Variants in STK3 observed in about 807,000 individuals in gnomAD.
STK3 encodes the protein serine/threonine kinase 3.
STK3 carries 41 observed loss-of-function variants against 58.0 expected under a neutral mutation model. The observed-to-expected ratio is 0.71, with a 90% CI of 0.55 to 0.92. STK3 has a LOEUF of 0.92. STK3 is among the 40% of genes least tolerant of loss of function. STK3 has a pLI of 0.00. For missense variants in STK3, 479 were observed against 602.7 expected (o/e 0.79, Z 2.15); for synonymous variants, 170 against 191.0 (o/e 0.89, Z 0.91).
intron 1 of STK3, among the ~76,000 whole-genome samples, chr8:98,820,730 C>A (rs1834837291): frequency 1.3e-5 from 2 of 152,178 alleles, no homozygotes; most frequent in Admixed American, 6.5e-5. Context: ...GTAATCCCAG[C>A]ACTTTGGGAG....
downstream of STK3, among the ~76,000 whole-genome samples, chr8:98,398,669 T>G (rs998047270): frequency 3.3e-5 from 5 of 152,014 alleles, no homozygotes; most frequent in Non-Finnish European, 7.4e-5. Flanking sequence ...CATGCTCCCA[T>G]CTCCCCCGAG....
chr8:98,347,533 C>A, the STK3 span, among the ~76,000 whole-genome samples: 5,678 of 141,172 alleles, frequency 0.04, 161 homozygotes, highest in African/African-American at 0.076. Flanking sequence ...ACAAAAAAAA[C>A]CAAAAAAAAC....
At chr8:98,764,713 AAC>A in intron 3 of STK3, among the ~76,000 whole-genome samples, 1 of 152,366 alleles carries the variant, frequency 6.6e-6, no homozygotes, top group Middle Eastern at 3.4e-3. Flanking sequence ...GTATCTGAGT[AAC>A]CATTATGTGG....
intron 4 of STK3, among the ~76,000 whole-genome samples, chr8:98,738,879 C>T (rs1828889774): frequency 6.6e-6 from 1 of 152,252 alleles, no homozygotes; most frequent in South Asian, 2.1e-4. Flanking sequence ...AATCGGGTCA[C>T]TCCCACCCGA....
At chr8:98,591,015 G>A (rs1378224165) in intron 7 of STK3, among the ~76,000 whole-genome samples, 2 of 152,070 alleles carry the variant, frequency 1.3e-5, no homozygotes, top group Non-Finnish European at 2.9e-5. Context: ...ATCTTAAAAT[G>A]CCTTTAAAAA....
intron 1 of STK3, among the ~76,000 whole-genome samples, chr8:98,823,871 A>T (rs1378530129): frequency 6.6e-6 from 1 of 152,178 alleles, no homozygotes; most frequent in Non-Finnish European, 1.5e-5. Context: ...TGTATACTTA[A>T]ATTTCCTGGC....
intron 2 of STK3, chr8:98,436,908 T>C (rs997126165): frequency 5.9e-5 from 9 of 152,292 alleles, no homozygotes; most frequent in Non-Finnish European, 1.0e-4. Context: ...TCACCCACAC[T>C]TTCCTCGGTA....
chr8:98,920,570 TG>T (rs1184267051), intron 1 of STK3, among the ~76,000 whole-genome samples: 5 of 152,198 alleles, frequency 3.3e-5, no homozygotes, highest in Admixed American at 3.3e-4. Context: ...GTGCAGCCGT[TG>T]TTTGGACCTG....
chr8:98,757,563 C>T (rs2131392307), intron 3 of STK3, among the ~76,000 whole-genome samples: 1 of 148,212 alleles, frequency 6.7e-6, no homozygotes, highest in East Asian at 2.0e-4. Context: ...CCATTGCATT[C>T]CAGCCTGGGC....
At chr8:98,698,095 T>C (rs1355127466) in intron 6 of STK3, among the ~76,000 whole-genome samples, 1 of 152,214 alleles carries the variant, frequency 6.6e-6, no homozygotes, top group Non-Finnish European at 1.5e-5. Context: ...TCTTGTTGAA[T>C]TGATCCCTTC....
chr8:98,714,071 A>T (rs1013261573), intron 4 of STK3, among the ~76,000 whole-genome samples: 45 of 152,212 alleles, frequency 3.0e-4, no homozygotes, highest in Non-Finnish European at 4.6e-4. Flanking sequence ...CCTTTGACAA[A>T]ATTCAACAAC....
chr8:98,445,275 C>T (rs1041243584), intron 1 of STK3, among the ~76,000 whole-genome samples: 30 of 152,124 alleles, frequency 2.0e-4, no homozygotes, highest in African/African-American at 7.0e-4. Context: ...ATCCATTCAT[C>T]AGCTGATGGA....
At chr8:98,879,788 A>G (rs895687781), downstream of STK3, 2 of 152,242 alleles carry the variant, frequency 1.3e-5, no homozygotes, top group African/African-American at 2.4e-5. Context: ...GAAGTACCAC[A>G]TAATATTACT....
intron 4 of STK3, among the ~76,000 whole-genome samples, chr8:98,735,957 G>A (rs1828551767): frequency 6.6e-6 from 1 of 151,916 alleles, no homozygotes; most frequent in African/African-American, 2.4e-5. Flanking sequence ...TAAAATATGT[G>A]AAGTACTCAT....
Position 98,456,006 on chromosome 8 carries a change from T to C in STK3, c.1318-6A>G. On this transcript the variant is annotated splice_region_variant and splice_polypyrimidine_tract_variant and intron_variant, in intron 10 of 10. Coordinates refer to ENST00000419617, the MANE Select transcript of STK3 (RefSeq NM_006281.4). The stretch of plus-strand genomic sequence containing the variant: ...TCTAAACTTAGATTTTTCAACTAGA[T>C]ACAGAAAGAAAGATACCAATACAAT... 16 of 1,599,188 alleles carry C rather than the reference T, an allele frequency of 1.0e-5. No individual in the cohort carries two copies. Among genetic ancestry groups the C allele is most frequent in the Non-Finnish European group, 1.4e-5 (16 of 1,172,042 alleles).
rs1818278989 is a variant in STK3 at position 98,428,507 on chromosome 8, G to A, written n.483+5620C>T. The A allele has an allele frequency of 8.7e-6, 14 of 1,614,072 alleles. No individual in the cohort carries two copies. The highest frequency in any genetic ancestry group is 4.5e-5 in the East Asian group (2 of 44,862). The stretch of plus-strand genomic sequence containing the variant: ...ACTTCCGCAGGCAGCTGTGGCTGGC[G>A]CTGGACAACCCCGGCTACTCAGTGC... On this transcript the variant is annotated intron_variant and non_coding_transcript_variant, in intron 3 of 3. Transcript: ENST00000517832. The surrounding 1 kb of genome is among the most constrained non-coding windows in gnomAD (Gnocchi z 6.7).
chr8:98,564,572 G>A (rs950195969), intron 8 of STK3, among the ~76,000 whole-genome samples: 1 of 152,218 alleles, frequency 6.6e-6, no homozygotes, highest in East Asian at 1.9e-4. Flanking sequence ...GCATAGTACA[G>A]TGACTGTGGT....
chr8:98,520,028 T>G (rs1825232703), intron 10 of STK3, among the ~76,000 whole-genome samples: 1 of 152,190 alleles, frequency 6.6e-6, no homozygotes, highest in Admixed American at 6.6e-5. Flanking sequence ...AAAATATATC[T>G]ATTTAAATAT....
chr8:98,576,033 G>T (rs556802755), intron 8 of STK3, among the ~76,000 whole-genome samples: 128 of 152,182 alleles, frequency 8.4e-4, no homozygotes, highest in African/African-American at 2.9e-3. Context: ...TACATGTAGG[G>T]TGTTGATCCA....
Sources: gnomAD v4.1 joint callset for allele counts (sites outside exome capture counted in the v4.1 genomes callset) on GRCh38, gnomAD v4.1.1 for gene constraint, Gnocchi (gnomAD v3.1) non-coding constraint, MANE v1.5 for transcripts, NCBI Gene and HGNC (gene_info 2026-07-23, HGNC 2026-07-21) for gene names.